Variants in REC114 observed in about 807,000 individuals in gnomAD.
REC114 encodes the protein meiotic recombination protein REC114.
In REC114, 27 loss-of-function variants were observed where a neutral mutation model predicts 31.3. That is an observed-to-expected ratio of 0.86 (90% CI 0.64 to 1.19). REC114 has a LOEUF of 1.19. Ranked by LOEUF, REC114 falls within the 50% of genes most tolerant of loss-of-function variation. The probability of loss-of-function intolerance (pLI) is 0.00; values close to 1 mark genes in which losing one functional copy is unlikely to be tolerated. For missense variants in REC114, 344 were observed against 326.9 expected (o/e 1.05, Z -0.40); for synonymous variants, 134 against 127.7 (o/e 1.05, Z -0.33).
At chr15:73,505,428 G>T (rs1244597797) in intron 2 of REC114, among the ~76,000 whole-genome samples, 1 of 151,948 alleles carries the variant, frequency 6.6e-6, no homozygotes, top group Non-Finnish European at 1.5e-5. Context: ...ATTTTTCTAC[G>T]CATCCCTTTG....
chr15:73,479,290 T>C lies in REC114; in HGVS notation c.249+5369T>C, dbSNP rs576221985. 4.7e-3 allele frequency among the ~76,000 whole-genome samples: 710 copies of C among 149,926 alleles called. 4 individuals carry two copies. Among genetic ancestry groups the C allele is most frequent in the Admixed American group, 5.8e-3 (87 of 15,070 alleles). On this transcript the variant is annotated intron_variant, in intron 2 of 5. Coordinates refer to ENST00000331090, the MANE Select transcript of REC114 (RefSeq NM_001042367.2). ...GTTTTTTCCCTTTGAGCTTCTGGTATTTATCTATTTTTAAATAAAAATTAT... is the reference window on the plus strand; with the variant it reads ...GTTTTTTCCCTTTGAGCTTCTGGTACTTATCTATTTTTAAATAAAAATTAT...
intron 1 of REC114, among the ~76,000 whole-genome samples, chr15:73,463,533 G>T (rs1893017734): frequency 1.3e-5 from 2 of 152,152 alleles, no homozygotes; most frequent in Non-Finnish European, 1.5e-5. Context: ...CTTAAAAAAT[G>T]AGTTAAGCTG....
intron 2 of REC114, among the ~76,000 whole-genome samples, chr15:73,481,137 A>G (rs1169685490): frequency 6.6e-6 from 1 of 152,186 alleles, no homozygotes; most frequent in Non-Finnish European, 1.5e-5. Context: ...AAAAAGTAGT[A>G]ACAGCCTAGT....
At chr15:73,469,514 C>T (rs1171274288) in intron 1 of REC114, among the ~76,000 whole-genome samples, 1 of 152,016 alleles carries the variant, frequency 6.6e-6, no homozygotes, top group Middle Eastern at 3.4e-3. Context: ...ACAGCAGCCT[C>T]GAACTCCTGA....
chr15:73,481,960 A>G (rs1010118176), intron 2 of REC114, among the ~76,000 whole-genome samples: 1 of 152,022 alleles, frequency 6.6e-6, no homozygotes, highest in Admixed American at 6.6e-5. Context: ...CGCCTGGCCT[A>G]TCTTAACCAT....
rs758099809 is a variant in REC114, at chr15:73,473,866, T to G, written c.194T>G (p.Val65Gly). 91 of 1,587,224 alleles carry G rather than the reference T, an allele frequency of 5.7e-5. No individual in the cohort carries two copies. The highest frequency in any genetic ancestry group is 7.4e-5 in the Non-Finnish European group (86 of 1,164,306). The change falls in exon 2 of 6, where the codon GTT (valine) becomes GGT (glycine). Residue 65 changes from valine (V) to glycine (G), a missense_variant. Transcript: ENST00000331090. ...FDSNEESGYLVLTIVISGHFF... is the reference protein window; with the variant it reads ...FDSNEESGYLGLTIVISGHFF... ...TCCAATGAAGAATCTGGATATCTTGTTCTCACCATAGTTATATCAGGTCAT... is the reference window on the plus strand; with the variant it reads ...TCCAATGAAGAATCTGGATATCTTGGTCTCACCATAGTTATATCAGGTCAT...
rs557033365 is a variant in REC114 at position 73,550,904 on chromosome 15, G to C, written c.334-34G>C. ...CCAAAGTAAATAGTTATATGATGAGGGTCTCTCATGATAACTTTTGATTTG... is the reference window on the plus strand; with the variant it reads ...CCAAAGTAAATAGTTATATGATGAGCGTCTCTCATGATAACTTTTGATTTG... On this transcript the variant is annotated intron_variant, in intron 3 of 5. Transcript: ENST00000331090. 75 of 1,587,750 alleles carry C rather than the reference G, an allele frequency of 4.7e-5. No homozygotes were observed. The East Asian group carries it at 1.6e-3, about 34-fold the overall frequency.
chr15:73,550,561 A>G (rs75079382), intron 3 of REC114, among the ~76,000 whole-genome samples: 7,496 of 152,274 alleles, frequency 0.049, 203 homozygotes, highest in South Asian at 0.093. Context: ...TTTGAGCAGG[A>G]CTATGCTTGC....
At chr15:73,469,147 A>G (rs966646658) in intron 1 of REC114, among the ~76,000 whole-genome samples, 3 of 152,282 alleles carry the variant, frequency 2.0e-5, no homozygotes, top group African/African-American at 7.2e-5. Flanking sequence ...CAAGTCTGCT[A>G]TATACTTGGT....
chr15:73,456,385 G>A (rs1892916232), intron 1 of REC114, among the ~76,000 whole-genome samples: 1 of 151,684 alleles, frequency 6.6e-6, no homozygotes. Context: ...TTTTATAGGA[G>A]GAACTTAAAA....
At chr15:73,448,249 C>T (rs931421979) in intron 1 of REC114, among the ~76,000 whole-genome samples, 1 of 152,126 alleles carries the variant, frequency 6.6e-6, no homozygotes, top group African/African-American at 2.4e-5. Flanking sequence ...GATCCACTGG[C>T]TTGCAATTCT....
At chr15:73,530,457 G>A (rs948223581) in intron 2 of REC114, among the ~76,000 whole-genome samples, 28 of 152,220 alleles carry the variant, frequency 1.8e-4, no homozygotes, top group African/African-American at 6.0e-4. Context: ...CGACCAGCCC[G>A]TACAACATAG....
At chr15:73,466,620 A>G (rs1292285651) in intron 1 of REC114, among the ~76,000 whole-genome samples, 4 of 152,236 alleles carry the variant, frequency 2.6e-5, no homozygotes, top group African/African-American at 9.6e-5. Context: ...GCAACTATTA[A>G]TAAAATTGTT....
chr15:73,518,680 A>G (rs1893895668), intron 2 of REC114, among the ~76,000 whole-genome samples: 1 of 152,210 alleles, frequency 6.6e-6, no homozygotes, highest in Non-Finnish European at 1.5e-5. Flanking sequence ...GTGATCTCCC[A>G]AAGGAAAACC....
intron 3 of REC114, among the ~76,000 whole-genome samples, chr15:73,545,905 G>A (rs1490049869): frequency 2.0e-5 from 3 of 152,152 alleles, no homozygotes; most frequent in Admixed American, 6.5e-5. Flanking sequence ...TATAGAGTCT[G>A]TTGGAAACAG....
intron 1 of REC114, among the ~76,000 whole-genome samples, chr15:73,449,285 G>A (rs1195070756): frequency 6.6e-6 from 1 of 152,110 alleles, no homozygotes; most frequent in Non-Finnish European, 1.5e-5. Flanking sequence ...AGAATAACCT[G>A]TTTAGAAAAG....
intron 2 of REC114, among the ~76,000 whole-genome samples, chr15:73,515,948 C>T (rs2141317494): frequency 6.6e-6 from 1 of 151,458 alleles, no homozygotes; most frequent in South Asian, 2.1e-4. Context: ...ATCCATTTTA[C>T]TAACAAGGAA....
rs116622414 is a variant in REC114, at chr15:73,460,100, T to C, written c.160-13732T>C. On this transcript the variant is annotated intron_variant, in intron 1 of 5. Coordinates refer to ENST00000331090, the MANE Select transcript of REC114 (RefSeq NM_001042367.2). The stretch of plus-strand genomic sequence containing the variant: ...TTATTAGTTGTTCTAAAGCATTAGT[T>C]TATAAATGTTTCCAACTTGGGACCA... 4.2e-3 allele frequency among the ~76,000 whole-genome samples: 641 copies of C among 152,340 alleles called. 2 individuals carry two copies. The highest frequency in any genetic ancestry group is 0.015 in the African/African-American group (609 of 41,582).
intron 2 of REC114, among the ~76,000 whole-genome samples, chr15:73,513,956 A>G (rs377699760): frequency 7.1e-4 from 108 of 151,434 alleles, no homozygotes; most frequent in Middle Eastern, 3.4e-3. Flanking sequence ...GCCTCCTTGA[A>G]CTGTGGTGGG....
Sources: gnomAD v4.1 joint callset for allele counts (sites outside exome capture counted in the v4.1 genomes callset) on GRCh38, gnomAD v4.1.1 for gene constraint, MANE v1.5 for transcripts, NCBI Gene and HGNC (gene_info 2026-07-23, HGNC 2026-07-21) for gene names.